Variants in TMPRSS15 observed in about 807,000 individuals in gnomAD.
The protein encoded by TMPRSS15 is transmembrane serine protease 15, also known as enteropeptidase.
TMPRSS15 carries 128 observed loss-of-function variants against 125.3 expected under a neutral mutation model. That is an observed-to-expected ratio of 1.02 (90% CI 0.89 to 1.18). TMPRSS15 has a LOEUF of 1.18. Ranked by LOEUF, TMPRSS15 falls within the 50% of genes most tolerant of loss-of-function variation. The pLI is 0.00. For synonymous variants in TMPRSS15, 446 were observed against 423.2 expected, an observed-to-expected ratio of 1.05 and a Z score of -0.66; for missense variants, 1,283 against 1,212.7, an observed-to-expected ratio of 1.06 and a Z score of -0.86.
At chr21:18,365,643 T>TCCTTCC (rs1555904770) in intron 6 of TMPRSS15, among the ~76,000 whole-genome samples, 4 of 26,776 alleles carry the variant, frequency 1.5e-4, no homozygotes, top group Non-Finnish European at 2.6e-4. Flanking sequence ...TCTCTCTCTT[T>TCCTTCC]TTCCTCCCTT....
chr21:18,337,354 A>T (rs2075402367), intron 13 of TMPRSS15, among the ~76,000 whole-genome samples: 1 of 152,254 alleles, frequency 6.6e-6, no homozygotes, highest in South Asian at 2.1e-4. Flanking sequence ...TAAAAGCCCC[A>T]GAAATAAGCC....
At chr21:18,330,742 A>AT (rs1451902389) in intron 14 of TMPRSS15, among the ~76,000 whole-genome samples, 2 of 152,096 alleles carry the variant, frequency 1.3e-5, no homozygotes, top group Non-Finnish European at 2.9e-5. Flanking sequence ...TTCTTGTTGG[A>AT]TTTTTCAGAT....
At chr21:18,358,832 G>T (rs905529675) in intron 8 of TMPRSS15, among the ~76,000 whole-genome samples, 1 of 151,968 alleles carries the variant, frequency 6.6e-6, no homozygotes, top group African/African-American at 2.4e-5. Flanking sequence ...GATATTATTA[G>T]CATATGCTTA....
chr21:18,415,027 G>GT (rs200372734), intron 1 of TMPRSS15, among the ~76,000 whole-genome samples: 132 of 150,508 alleles, frequency 8.8e-4, no homozygotes, highest in East Asian at 2.0e-3. Context: ...GCCCTTATCT[G>GT]TTTTTTTTTG....
At chr21:18,455,643 T>G (rs1274607663) in intron 1 of TMPRSS15, among the ~76,000 whole-genome samples, 1 of 152,132 alleles carries the variant, frequency 6.6e-6, no homozygotes, top group East Asian at 1.9e-4. Flanking sequence ...GCAAGGAAAA[T>G]GTCTACTTAC....
intron 19 of TMPRSS15, among the ~76,000 whole-genome samples, chr21:18,296,175 A>G (rs1476396841): frequency 2.6e-5 from 4 of 152,144 alleles, no homozygotes; most frequent in African/African-American, 9.7e-5. Flanking sequence ...AAAATAAAGA[A>G]TCAGCATATA....
chr21:18,428,519 T>C (rs2076209024), intron 1 of TMPRSS15, among the ~76,000 whole-genome samples: 1 of 152,070 alleles, frequency 6.6e-6, no homozygotes, highest in African/African-American at 2.4e-5. Flanking sequence ...TGTGGGCCGG[T>C]CCCAGGGCCC....
At chr21:18,352,819 T>C (rs2075583822) in intron 10 of TMPRSS15, 84 bp downstream of exon 10, 5 of 1,406,008 alleles carry the variant, frequency 3.6e-6, no homozygotes, top group Non-Finnish European at 4.0e-6. Flanking sequence ...TACTGCTCAC[T>C]TTACACTGCA....
chr21:18,288,241 C>T (rs2074788815), intron 21 of TMPRSS15, among the ~76,000 whole-genome samples: 1 of 152,102 alleles, frequency 6.6e-6, no homozygotes, highest in South Asian at 2.1e-4. Context: ...TGCAGAAAGA[C>T]AAATTTCAAA....
intron 24 of TMPRSS15, among the ~76,000 whole-genome samples, chr21:18,273,694 C>T (rs1601247719): frequency 1.3e-5 from 2 of 152,138 alleles, no homozygotes; most frequent in South Asian, 2.1e-4. Context: ...TTCCCTTCTG[C>T]GCAAGAATTC....
chr21:18,326,868 T>C (rs2075297287), intron 15 of TMPRSS15, among the ~76,000 whole-genome samples: 1 of 152,208 alleles, frequency 6.6e-6, no homozygotes, highest in African/African-American at 2.4e-5. Flanking sequence ...GCTCATGTTA[T>C]CCCAGACAAA....
At chr21:18,353,463 T>C (rs780447935) in intron 9 of TMPRSS15, among the ~76,000 whole-genome samples, 1 of 151,922 alleles carries the variant, frequency 6.6e-6, no homozygotes, top group Non-Finnish European at 1.5e-5. Flanking sequence ...TAACTTGCAA[T>C]GCTTGCAGCA....
intron 16 of TMPRSS15, among the ~76,000 whole-genome samples, chr21:18,325,537 A>T (rs58841731): frequency 0.011 from 1,621 of 152,206 alleles, 26 homozygotes; most frequent in African/African-American, 0.036. Context: ...AGGCCAGATG[A>T]AGATGAACTA....
At chr21:18,435,659 G>A (rs2076226184) in intron 1 of TMPRSS15, among the ~76,000 whole-genome samples, 1 of 152,140 alleles carries the variant, frequency 6.6e-6, no homozygotes, top group Non-Finnish European at 1.5e-5. Context: ...ATGAGTTAGG[G>A]AGGATCCCCT....
intron 18 of TMPRSS15, among the ~76,000 whole-genome samples, chr21:18,308,171 T>C (rs888072919): frequency 6.6e-6 from 1 of 152,180 alleles, no homozygotes; most frequent in African/African-American, 2.4e-5. Flanking sequence ...AATTAGTGTT[T>C]AAAGTAGGAA....
chr21:18,269,889 G>A lies in TMPRSS15; in HGVS notation c.*80C>T. On this transcript the variant is annotated 3_prime_UTR_variant, in exon 25 of 25. Coordinates refer to ENST00000284885, the MANE Select transcript of TMPRSS15 (RefSeq NM_002772.3). ...CCTTTGGTAACTTTTTAAAATTTTTGTACGAAACACTTAATTTCCATGCTT... is the reference window on the plus strand; with the variant it reads ...CCTTTGGTAACTTTTTAAAATTTTTATACGAAACACTTAATTTCCATGCTT... 1 of 1,552,312 alleles carries A rather than the reference G, an allele frequency of 6.4e-7. No individual in the cohort carries two copies. Among genetic ancestry groups the A allele is most frequent in the Non-Finnish European group, 8.8e-7 (1 of 1,140,170 alleles).
Position 18,419,387 on chromosome 21 carries a change from A to G in TMPRSS15, c.11-21058T>C, listed in dbSNP as rs1006144949. On this transcript the variant is annotated intron_variant, in intron 1 of 7. Coordinates refer to the TMPRSS15 transcript ENST00000422787. ...ACTACAGGCGCCCGCCACCACGCCC[A>G]GCTAATTTTTTGTATTTTTAGTAGA... Among the ~76,000 whole-genome samples the G allele has an allele frequency of 9.2e-5, 14 of 151,820 alleles. No homozygotes were observed. In the South Asian group the frequency reaches 2.1e-3, roughly 23 times the overall value.
chr21:18,360,579 C>T (rs954290078), intron 7 of TMPRSS15, among the ~76,000 whole-genome samples: 3 of 151,984 alleles, frequency 2.0e-5, no homozygotes, highest in Admixed American at 6.6e-5. Context: ...GTCTTAGCAC[C>T]CTCGTGGAAG....
At chr21:18,396,952 T>C (rs1018129853) in intron 3 of TMPRSS15, among the ~76,000 whole-genome samples, 2 of 152,014 alleles carry the variant, frequency 1.3e-5, no homozygotes, top group African/African-American at 4.8e-5. Context: ...TTCTGGAATA[T>C]TGTCTTTCTT....
Sources: gnomAD v4.1 joint callset for allele counts (sites outside exome capture counted in the v4.1 genomes callset) on GRCh38, gnomAD v4.1.1 for gene constraint, MANE v1.5 for transcripts, NCBI Gene and HGNC (gene_info 2026-07-23, HGNC 2026-07-21) for gene names.